Variants in RSF1 observed in about 807,000 individuals in gnomAD.
RSF1 encodes the protein remodeling and spacing factor 1.
A neutral mutation model predicts 145.2 loss-of-function variants in RSF1; 13 were observed. That is an observed-to-expected ratio of 0.09 (90% CI 0.06 to 0.14). The LOEUF (loss-of-function observed/expected upper bound fraction) is 0.14. Ranked by LOEUF, RSF1 falls within the 10% of genes least tolerant of loss-of-function variation. The pLI is 1.00. For missense variants in RSF1, 1,517 were observed against 1,718.2 expected (o/e 0.88, Z 2.07); for synonymous variants, 577 against 592.6 (o/e 0.97, Z 0.38).
At chr11:77,792,557 G>A (rs879514795) in intron 1 of RSF1, among the ~76,000 whole-genome samples, 107 of 152,118 alleles carry the variant, frequency 7.0e-4, no homozygotes, top group Non-Finnish European at 3.7e-4. Flanking sequence ...CAGTCCCCAG[G>A]AACACTTCAC....
At chr11:77,748,369 C>T (rs112744793) in intron 2 of RSF1, among the ~76,000 whole-genome samples, 3 of 151,666 alleles carry the variant, frequency 2.0e-5, no homozygotes, top group Admixed American at 6.6e-5. Context: ...GGGCTATAGC[C>T]GTGTGCCACC....
the RSF1 span, among the ~76,000 whole-genome samples, chr11:77,856,520 C>G: frequency 6.6e-6 from 1 of 152,094 alleles, no homozygotes; most frequent in African/African-American, 2.4e-5. Flanking sequence ...TCTTGCATTG[C>G]TATAAAGAGC....
At chr11:77,871,269 A>T in the RSF1 span, among the ~76,000 whole-genome samples, 1 of 152,328 alleles carries the variant, frequency 6.6e-6, no homozygotes, top group South Asian at 2.1e-4. Context: ...ATCTATTTTT[A>T]AAAAATATTC....
At chr11:77,857,594 T>C in the RSF1 span, among the ~76,000 whole-genome samples, 1 of 152,180 alleles carries the variant, frequency 6.6e-6, no homozygotes, top group Admixed American at 6.5e-5. Context: ...TTTATTTTAA[T>C]TTTACTTTAA....
At chr11:77,735,750 C>A (rs2135902656) in intron 4 of RSF1, among the ~76,000 whole-genome samples, 1 of 152,044 alleles carries the variant, frequency 6.6e-6, no homozygotes, top group South Asian at 2.1e-4. Context: ...CTTTTTTCTT[C>A]TTTTTTGAGA....
At chr11:77,722,872 T>C (rs1279391666) in intron 5 of RSF1, among the ~76,000 whole-genome samples, 1 of 152,200 alleles carries the variant, frequency 6.6e-6, no homozygotes, top group African/African-American at 2.4e-5. Flanking sequence ...TAGAAAAAGT[T>C]TGTTCTGTTT....
intron 5 of RSF1, among the ~76,000 whole-genome samples, chr11:77,707,896 G>A (rs1048329275): frequency 1.8e-4 from 28 of 152,140 alleles, no homozygotes; most frequent in African/African-American, 6.8e-4. Context: ...ACATAAATAA[G>A]CCAATAAATC....
chr11:77,778,207 A>AAT (rs1948366265), intron 1 of RSF1, among the ~76,000 whole-genome samples: 4 of 15,864 alleles, frequency 2.5e-4, no homozygotes, highest in Admixed American at 8.1e-4. Flanking sequence ...GGAAGGGGAG[A>AAT]GGATGGGGAG....
chr11:77,719,493 A>G (rs1960895627), intron 5 of RSF1, among the ~76,000 whole-genome samples: 1 of 152,222 alleles, frequency 6.6e-6, no homozygotes, highest in Admixed American at 6.5e-5. Flanking sequence ...ACGTAAATAG[A>G]AACAACCATT....
intron 1 of RSF1, among the ~76,000 whole-genome samples, chr11:77,796,648 G>A (rs1948575150): frequency 6.6e-6 from 1 of 152,214 alleles, no homozygotes; most frequent in African/African-American, 2.4e-5. Context: ...AGTATTGGAA[G>A]TTCTGGCTAG....
intron 1 of RSF1, among the ~76,000 whole-genome samples, chr11:77,769,083 A>G (rs1018163545): frequency 3.9e-5 from 6 of 152,046 alleles, no homozygotes; most frequent in African/African-American, 1.2e-4. Context: ...TTTGAGATGG[A>G]GTCTCGCTCT....
At chr11:77,812,133 C>T (rs961204306) in intron 1 of RSF1, among the ~76,000 whole-genome samples, 11 of 152,132 alleles carry the variant, frequency 7.2e-5, no homozygotes, top group Non-Finnish European at 1.6e-4. Flanking sequence ...CAGCAGAGAA[C>T]AAGCCACTGC....
At chr11:77,711,706 C>T (rs1960690054) in intron 5 of RSF1, among the ~76,000 whole-genome samples, 1 of 151,816 alleles carries the variant, frequency 6.6e-6, no homozygotes, top group Non-Finnish European at 1.5e-5. Flanking sequence ...TTAAAGTGCA[C>T]TCTCACCCTA....
chr11:77,768,069 ATAT>A (rs748356447), intron 1 of RSF1, among the ~76,000 whole-genome samples: 22 of 152,214 alleles, frequency 1.4e-4, no homozygotes, highest in Non-Finnish European at 2.9e-4. Context: ...TTCTAGTAAA[ATAT>A]TATAAAAAGT....
chr11:77,699,084 A>G (rs990228114), intron 6 of RSF1, among the ~76,000 whole-genome samples: 8 of 152,078 alleles, frequency 5.3e-5, no homozygotes, highest in African/African-American at 1.9e-4. Context: ...ATTTTTACAC[A>G]CATCTCTGTG....
chr11:77,760,230 T>A (rs920006111), intron 2 of RSF1, among the ~76,000 whole-genome samples: 1 of 152,146 alleles, frequency 6.6e-6, no homozygotes, highest in African/African-American at 2.4e-5. Context: ...ATCCATATAA[T>A]GGATGAGTAT....
intron 1 of RSF1, among the ~76,000 whole-genome samples, chr11:77,806,194 A>G (rs1040490438): frequency 4.6e-5 from 7 of 152,126 alleles, no homozygotes; most frequent in African/African-American, 1.4e-4. Context: ...GATCATATAA[A>G]TCCATTCAGA....
chr11:77,821,046 A>T, upstream of RSF1: 1 of 454,106 alleles, frequency 2.2e-6, no homozygotes, highest in Non-Finnish European at 3.9e-6. Context: ...GCGGGCTGGA[A>T]GCGGGAGGGG....
At chr11:77,719,829 TTA>T (rs1198392495) in intron 5 of RSF1, among the ~76,000 whole-genome samples, 3 of 152,148 alleles carry the variant, frequency 2.0e-5, no homozygotes, top group African/African-American at 4.8e-5. Flanking sequence ...GTTTTTAACA[TTA>T]TGTTAGTGTA....
Sources: gnomAD v4.1 joint callset for allele counts (sites outside exome capture counted in the v4.1 genomes callset) on GRCh38, gnomAD v4.1.1 for gene constraint, MANE v1.5 for transcripts, NCBI Gene and HGNC (gene_info 2026-07-23, HGNC 2026-07-21) for gene names.